PITPNM2: variants seen among roughly 807,000 people sequenced by gnomAD.
PITPNM2 encodes membrane-associated phosphatidylinositol transfer protein 2.
In PITPNM2, 35 loss-of-function variants were observed where a neutral mutation model predicts 132.2. The observed-to-expected ratio is 0.26, with a 90% CI of 0.20 to 0.35. The LOEUF (loss-of-function observed/expected upper bound fraction) is 0.35, where lower values mean the gene tolerates loss of function less well. Among genes scored for constraint, PITPNM2 ranks in the 10% least tolerant of loss-of-function variants. The pLI is 1.00. For missense variants in PITPNM2, 1,332 were observed against 1,912.0 expected (o/e 0.70, Z 5.66); for synonymous variants, 738 against 799.2 (o/e 0.92, Z 1.29).
intron 2 of PITPNM2, among the ~76,000 whole-genome samples, chr12:123,098,119 G>C (rs2042458705): frequency 6.6e-6 from 1 of 152,208 alleles, no homozygotes; most frequent in Non-Finnish European, 1.5e-5. Context: ...CCAGGTTGCA[G>C]GGAGATGCTC....
rs574235762 is a variant in PITPNM2, at chr12:122,988,468, C to T, written c.2881-118G>A. ...GAGCCTGTGGGTTGTAGGGGGTGTTCTTCAACTCACTACTGTCTGCCCAGT... is the reference window on the plus strand; with the variant it reads ...GAGCCTGTGGGTTGTAGGGGGTGTTTTTCAACTCACTACTGTCTGCCCAGT... On this transcript the variant is annotated intron_variant, in intron 19 of 25. Coordinates refer to ENST00000320201, the MANE Select transcript of PITPNM2 (RefSeq NM_020845.3). 1.6e-4 allele frequency: 139 copies of T among 868,842 alleles called. 1 individual carries two copies. The highest frequency in any genetic ancestry group is 1.3e-3 in the South Asian group (89 of 67,014). 53.8% of individuals were successfully genotyped at this position (868,842 alleles called of 1,614,324 possible).
chr12:122,989,268 A>G (rs533105063), intron 18 of PITPNM2, among the ~76,000 whole-genome samples: 5 of 152,298 alleles, frequency 3.3e-5, no homozygotes, highest in Admixed American at 2.6e-4. Context: ...AAGGCGGCAC[A>G]GAGATGGGGT....
chr12:123,074,811 T>C (rs921657717), intron 2 of PITPNM2, among the ~76,000 whole-genome samples: 1 of 152,136 alleles, frequency 6.6e-6, no homozygotes, highest in African/African-American at 2.4e-5. Flanking sequence ...CACCAGACCA[T>C]GCAACAGAGC....
chr12:123,086,341 T>C (rs992902483), intron 2 of PITPNM2, among the ~76,000 whole-genome samples: 24 of 152,288 alleles, frequency 1.6e-4, no homozygotes, highest in African/African-American at 5.8e-4. Context: ...TTCTACAAAA[T>C]GGGGGTGAAG....
At chr12:123,135,300 TA>T (rs1445411172) in intron 1 of PITPNM2, among the ~76,000 whole-genome samples, 6 of 152,160 alleles carry the variant, frequency 3.9e-5, no homozygotes, top group African/African-American at 1.4e-4. Flanking sequence ...TGTTTATAGC[TA>T]GGAATAATGT....
chr12:122,999,513 G>A (rs1476133852), intron 10 of PITPNM2, among the ~76,000 whole-genome samples: 1 of 152,200 alleles, frequency 6.6e-6, no homozygotes, highest in East Asian at 1.9e-4. Flanking sequence ...GTGACATCCA[G>A]CGGTACTTTG....
chr12:123,149,221 G>A (rs2043679283), intron 1 of PITPNM2, among the ~76,000 whole-genome samples: 2 of 152,136 alleles, frequency 1.3e-5, no homozygotes, highest in African/African-American at 2.4e-5. Flanking sequence ...TGCCTCCCAC[G>A]CCTGAGCAGC....
At chr12:123,037,529 G>A (rs1251249153) in intron 2 of PITPNM2, among the ~76,000 whole-genome samples, 2 of 152,196 alleles carry the variant, frequency 1.3e-5, no homozygotes, top group African/African-American at 4.8e-5. Flanking sequence ...CAGTGACCCA[G>A]AGTGGGCAAG....
At chr12:123,034,963 G>A (rs190770420) in intron 2 of PITPNM2, among the ~76,000 whole-genome samples, 100 of 152,294 alleles carry the variant, frequency 6.6e-4, no homozygotes, top group African/African-American at 2.2e-3. Flanking sequence ...CATAAACAAG[G>A]GCCAGGGTAA....
intron 2 of PITPNM2, among the ~76,000 whole-genome samples, chr12:123,039,968 CA>C (rs905542086): frequency 1.3e-5 from 2 of 152,042 alleles, no homozygotes. Flanking sequence ...CCCATCTCTA[CA>C]AAAAATACAA....
chr12:123,017,984 TTTCC>T (rs1163587142), intron 3 of PITPNM2, among the ~76,000 whole-genome samples: 6,681 of 90,252 alleles, frequency 0.074, 265 homozygotes, highest in Middle Eastern at 0.099. Flanking sequence ...TTCTCTCACT[TTTCC>T]TTCCTTCCTT....
In PITPNM2 at chr12:123,031,479, A is replaced by G. The variant is rs2040085817; in HGVS notation, c.78+3034T>C. ...CAGTCAGTAGCTCTAGCAGGAACCT[A>G]TGGCTTCCTGGTAACTACATGAGGG... On this transcript the variant is annotated intron_variant, in intron 3 of 25. Coordinates refer to ENST00000320201, the MANE Select transcript of PITPNM2 (RefSeq NM_020845.3). This position sits in a 1 kb window ranked among gnomAD's most constrained non-coding sequence, Gnocchi z 4.5. Among the ~76,000 whole-genome samples the G allele has an allele frequency of 6.6e-6, 1 of 152,174 alleles. No homozygotes were observed. The highest frequency in any genetic ancestry group is 1.5e-5 in the Non-Finnish European group (1 of 68,016).
chr12:123,032,511 C>T (rs1449376711), intron 3 of PITPNM2, among the ~76,000 whole-genome samples: 1 of 140,990 alleles, frequency 7.1e-6, no homozygotes, highest in Non-Finnish European at 1.6e-5. Flanking sequence ...CAAACAAAAA[C>T]CTGGAGTGAC....
At chr12:123,141,640 G>A (rs1443003970) in intron 1 of PITPNM2, among the ~76,000 whole-genome samples, 3 of 152,274 alleles carry the variant, frequency 2.0e-5, no homozygotes, top group African/African-American at 4.8e-5. Context: ...CAGAGTCGAC[G>A]AGGCTGGGTA....
intron 2 of PITPNM2, among the ~76,000 whole-genome samples, chr12:123,069,790 A>G (rs1199536879): frequency 6.6e-6 from 1 of 152,202 alleles, no homozygotes; most frequent in Admixed American, 6.5e-5. Flanking sequence ...GGTACCCAGC[A>G]AATATTTGTT....
At chr12:123,046,980 T>C (rs962529616) in intron 2 of PITPNM2, among the ~76,000 whole-genome samples, 3 of 152,226 alleles carry the variant, frequency 2.0e-5, no homozygotes, top group Non-Finnish European at 4.4e-5. Context: ...TATATACATA[T>C]GCACCCCTAG....
At chr12:123,072,321 C>CCTGATTATA (rs1566278342) in intron 2 of PITPNM2, among the ~76,000 whole-genome samples, 3 of 152,204 alleles carry the variant, frequency 2.0e-5, no homozygotes, top group Non-Finnish European at 4.4e-5. Context: ...AGACAGGGGA[C>CCTGATTATA]AGGGACAAGG....
In PITPNM2 at chr12:122,992,343, C is replaced by A. The variant is rs1242854225; in HGVS notation, c.2404+156G>T. 7.2e-6 allele frequency among the ~76,000 whole-genome samples: 1 copy of A among 139,398 alleles called. No individual in the cohort carries two copies. Among genetic ancestry groups the A allele is most frequent in the Non-Finnish European group, 1.6e-5 (1 of 63,928 alleles). The allele number at this position is 139,398 out of a possible 152,430, so 91.5% of individuals were successfully genotyped here. A position where few individuals can be genotyped will look rare whatever the true frequency, so the allele number is the denominator to read the frequency against. ...GTGCGGAGGGATGCACCACCCCCAC[C>A]CCCCACCCCCAACAGCTGTCCACCT... On this transcript the variant is annotated intron_variant, in intron 16 of 25. Transcript: ENST00000320201. This position sits in a 1 kb window ranked among gnomAD's most constrained non-coding sequence, Gnocchi z 6.5.
chr12:123,126,442 C>T (rs76258382), intron 1 of PITPNM2, among the ~76,000 whole-genome samples: 2,972 of 152,242 alleles, frequency 0.02, 63 homozygotes, highest in Non-Finnish European at 0.023. Context: ...AAGCTTCAGG[C>T]GAAAAGCTGT....
Sources: gnomAD v4.1 joint callset for allele counts (sites outside exome capture counted in the v4.1 genomes callset) on GRCh38, gnomAD v4.1.1 for gene constraint, Gnocchi (gnomAD v3.1) non-coding constraint, MANE v1.5 for transcripts, NCBI Gene and HGNC (gene_info 2026-07-23, HGNC 2026-07-21) for gene names.